The following TENT5A variants were observed in gnomAD, a reference collection of about 807,000 sequenced individuals.
TENT5A encodes terminal nucleotidyltransferase 5A.
TENT5A carries 9 observed loss-of-function variants against 30.2 expected under a neutral mutation model. That is an observed-to-expected ratio of 0.30 (90% CI 0.18 to 0.52). The LOEUF (loss-of-function observed/expected upper bound fraction) is 0.52, where lower values mean the gene tolerates loss of function less well. TENT5A is among the 20% of genes least tolerant of loss of function. The pLI, the probability that TENT5A is intolerant of heterozygous loss-of-function variation, is 0.97. For missense variants in TENT5A, 411 were observed against 566.1 expected (o/e 0.73, Z 2.78); for synonymous variants, 264 against 234.2 (o/e 1.13, Z -1.16).
In TENT5A at chr6:81,747,536, T is replaced by C. The variant is rs1768911345; in HGVS notation, c.*2159A>G. On this transcript the variant is annotated 3_prime_UTR_variant, in exon 3 of 3. Transcript: ENST00000320172. Reference sequence around the variant, plus strand: ...ATGCACAAAAGGTAGTCCAGACGGATTAACCTGGATTAACCTAGCACTAAG... The same window carrying C: ...ATGCACAAAAGGTAGTCCAGACGGACTAACCTGGATTAACCTAGCACTAAG... 1 of 985,582 alleles carries C rather than the reference T, an allele frequency of 1.0e-6. No individual in the cohort carries two copies. The highest frequency in any genetic ancestry group is 4.7e-5 in the South Asian group (1 of 21,284). 61.1% of individuals were successfully genotyped at this position (985,582 alleles called of 1,614,324 possible).
Position 81,750,562 on chromosome 6 carries a change from T to C in TENT5A, c.553-91A>G, listed in dbSNP as rs1447239679. ...TCCTCTTCACAGCTGAGAATTATTT[T>C]GCTCTTTCCCTTTTGTTTTGTCAAG... On this transcript the variant is annotated intron_variant, in intron 2 of 2. Transcript: ENST00000320172. This position sits in a 1 kb window ranked among gnomAD's most constrained non-coding sequence, Gnocchi z 4.2. 2 of 841,370 alleles carry C rather than the reference T, an allele frequency of 2.4e-6. No individual in the cohort carries two copies. Among genetic ancestry groups the C allele is most frequent in the East Asian group, 5.7e-5 (2 of 34,968 alleles). The allele number at this position is 841,370 out of a possible 1,614,324, so 52.1% of individuals were successfully genotyped here.
Position 81,749,651 on chromosome 6 carries a change from T to G in TENT5A, c.*44A>C. On this transcript the variant is annotated 3_prime_UTR_variant, in exon 3 of 3. Coordinates refer to ENST00000320172, the MANE Select transcript of TENT5A (RefSeq NM_017633.3). The stretch of plus-strand genomic sequence containing the variant: ...TTCTTTTTTTTTTTTTTCTCTCCTG[T>G]CTTGTCTGAAATGGCTTCCCCACAG... The G allele has an allele frequency of 1.3e-6, 2 of 1,546,590 alleles. No homozygotes were observed. Among genetic ancestry groups the G allele is most frequent in the Non-Finnish European group, 8.7e-7 (1 of 1,146,602 alleles).
In TENT5A at chr6:81,748,689, T is replaced by A; in HGVS notation, c.*1006A>T. The A allele has an allele frequency of 1.0e-6, 1 of 968,510 alleles. No individual in the cohort carries two copies. Among genetic ancestry groups the A allele is most frequent in the Non-Finnish European group, 1.2e-6 (1 of 814,344 alleles). 60.0% of individuals were successfully genotyped at this position (968,510 alleles called of 1,614,324 possible). On this transcript the variant is annotated 3_prime_UTR_variant, in exon 3 of 3. Coordinates refer to ENST00000320172, the MANE Select transcript of TENT5A (RefSeq NM_017633.3). ...TATAATTTATACACACATACACATG[T>A]ACCTATGATAATATCAGATCAACAA... is the stretch of plus-strand genomic sequence containing the variant.
At position 81,749,617 on chromosome 6, in the gene TENT5A, CTTTTTTTTTTCTTTT is replaced by C. The variant is rs1768985629; in HGVS notation, c.*63_*77del. On this transcript the variant is annotated 3_prime_UTR_variant, in exon 3 of 3. Transcript: ENST00000320172. Reference sequence around the variant, plus strand: ...CATCCCTAATAAGGGCTGGATCACTCTTTTTTTTTTCTTTTTTTTTTTTTTCTCTCCTGTCTTGTC... The same window carrying C: ...CATCCCTAATAAGGGCTGGATCACTCTTTTTTTTTTCTCTCCTGTCTTGTC... 3 of 1,370,998 alleles carry C rather than the reference CTTTTTTTTTTCTTTT, an allele frequency of 2.2e-6. No homozygotes were observed. Among genetic ancestry groups the C allele is most frequent in the Non-Finnish European group, 2.9e-6 (3 of 1,033,068 alleles). The allele number at this position is 1,370,998 out of a possible 1,614,324, so 84.9% of individuals were successfully genotyped here. A position where few individuals can be genotyped will look rare whatever the true frequency, so the allele number is the denominator to read the frequency against.
chr6:81,749,628 CTTTTTTTTT>C lies in TENT5A; in HGVS notation c.*58_*66del. 2 of 1,229,712 alleles carry C rather than the reference CTTTTTTTTT, an allele frequency of 1.6e-6. No individual in the cohort carries two copies. Among genetic ancestry groups the C allele is most frequent in the Non-Finnish European group, 2.2e-6 (2 of 929,028 alleles). 76.2% of individuals were successfully genotyped at this position (1,229,712 alleles called of 1,614,324 possible). On this transcript the variant is annotated 3_prime_UTR_variant, in exon 3 of 3. Coordinates refer to ENST00000320172, the MANE Select transcript of TENT5A (RefSeq NM_017633.3). ...AGGGCTGGATCACTCTTTTTTTTTT[CTTTTTTTTT>C]TTTTTCTCTCCTGTCTTGTCTGAAA...
chr6:81,746,710 AT>A lies in TENT5A; in HGVS notation c.*2984del. ...TTAAAGAAACAGCACACTAGGCCAG[AT>A]AAACACAAAAGGAAACAAATCACAG... is the stretch of plus-strand genomic sequence containing the variant. On this transcript the variant is annotated 3_prime_UTR_variant, in exon 3 of 3. Transcript: ENST00000320172. 2 of 1,227,326 alleles carry A rather than the reference AT, an allele frequency of 1.6e-6. No homozygotes were observed. Among genetic ancestry groups the A allele is most frequent in the Non-Finnish European group, 2.0e-6 (2 of 985,332 alleles). The allele number at this position is 1,227,326 out of a possible 1,614,324, so 76.0% of individuals were successfully genotyped here.
chr6:81,749,829 C>A lies in TENT5A; in HGVS notation c.1195G>T (p.Ala399Ser). The change falls in exon 3 of 3, where the codon GCT (alanine) becomes TCT (serine). Residue 399 changes from alanine (A) to serine (S), a missense_variant. Around this residue, in one of 5 missense-constraint regions of TENT5A, gnomAD observed 75 missense variants for 80.9 expected, o/e 0.93. Transcript: ENST00000320172. ...LADQNVIPNVANVTCYYQPAP... is the reference protein window; with the variant it reads ...LADQNVIPNVSNVTCYYQPAP... ...GGCTGGTAATAGCAAGTGACATTAG[C>A]CACATTAGGAATGACATTTTGGTCA... 6.2e-7 allele frequency: 1 copy of A among 1,614,076 alleles called. No individual in the cohort carries two copies. The highest frequency in any genetic ancestry group is 8.5e-7 in the Non-Finnish European group (1 of 1,180,022).
rs1481133651 is a variant in TENT5A, at chr6:81,749,642, T to C, written c.*53A>G. On this transcript the variant is annotated 3_prime_UTR_variant, in exon 3 of 3. Coordinates refer to ENST00000320172, the MANE Select transcript of TENT5A (RefSeq NM_017633.3). Reference sequence around the variant, plus strand: ...CTTTTTTTTTTCTTTTTTTTTTTTTTCTCTCCTGTCTTGTCTGAAATGGCT... The same window carrying C: ...CTTTTTTTTTTCTTTTTTTTTTTTTCCTCTCCTGTCTTGTCTGAAATGGCT... The C allele has an allele frequency of 6.8e-7, 1 of 1,472,080 alleles. No homozygotes were observed. Among genetic ancestry groups the C allele is most frequent in the Non-Finnish European group, 9.0e-7 (1 of 1,110,754 alleles). The allele number at this position is 1,472,080 out of a possible 1,614,324, so 91.2% of individuals were successfully genotyped here. A position where few individuals can be genotyped will look rare whatever the true frequency, so the allele number is the denominator to read the frequency against.
Position 81,749,478 on chromosome 6 carries a change from G to C in TENT5A, c.*217C>G. 7.6e-7 allele frequency: 1 copy of C among 1,311,888 alleles called. No individual in the cohort carries two copies. The highest frequency in any genetic ancestry group is 9.7e-7 in the Non-Finnish European group (1 of 1,033,642). 81.3% of individuals were successfully genotyped at this position (1,311,888 alleles called of 1,614,324 possible). On this transcript the variant is annotated 3_prime_UTR_variant, in exon 3 of 3. Transcript: ENST00000320172. Reference sequence around the variant, plus strand: ...TTGCAGGATAGAATCCAATTGGGTAGGAGAATAAGAGAAGGGAAAAGGATC... The same window carrying C: ...TTGCAGGATAGAATCCAATTGGGTACGAGAATAAGAGAAGGGAAAAGGATC...
In TENT5A at chr6:81,748,410, T is replaced by C; in HGVS notation, c.*1285A>G. ...AGAAAAAAAAAAAAAGAAAAAAAAA[T>C]CCCACTAAAACAGTATAATTTCTGC... On this transcript the variant is annotated 3_prime_UTR_variant, in exon 3 of 3. Transcript: ENST00000320172. 1 of 970,336 alleles carries C rather than the reference T, an allele frequency of 1.0e-6. No homozygotes were observed. The highest frequency in any genetic ancestry group is 1.2e-6 in the Non-Finnish European group (1 of 818,090). The allele number at this position is 970,336 out of a possible 1,614,324, so 60.1% of individuals were successfully genotyped here.
rs1371965844 is a variant in TENT5A, at chr6:81,746,100, T to C, written c.*3595A>G. 2 of 982,434 alleles carry C rather than the reference T, an allele frequency of 2.0e-6. No homozygotes were observed. The highest frequency in any genetic ancestry group is 1.1e-4 in the East Asian group (1 of 8,848). 60.9% of individuals were successfully genotyped at this position (982,434 alleles called of 1,614,324 possible). On this transcript the variant is annotated 3_prime_UTR_variant, in exon 3 of 3. Coordinates refer to ENST00000320172, the MANE Select transcript of TENT5A (RefSeq NM_017633.3). The stretch of plus-strand genomic sequence containing the variant: ...TTAGAAAGCCATTATTTTAACAAAA[T>C]ATAACATAGAGATTCTTTCTTAGCA...
Position 81,751,624 on chromosome 6 carries a change from A to G in TENT5A, c.518T>C (p.Val173Ala), listed in dbSNP as rs748052539. The change falls in exon 2 of 3, where the codon GTG becomes GCG. Residue 173 changes from valine to alanine, a missense_variant. Coordinates refer to ENST00000320172, the MANE Select transcript of TENT5A (RefSeq NM_017633.3). ...GAGTGGTGTGATCTTCTCTTTGTTC[A>G]CCCCCTCGGGTAAGAAGTCCAACAG... ...DCLLDFLPEG[V>A]NKEKITPLTL... is the part of the protein sequence containing the mutation. 1 of 1,612,948 alleles carries G rather than the reference A, an allele frequency of 6.2e-7. No homozygotes were observed.
At position 81,750,500 on chromosome 6, in the gene TENT5A, G is replaced by A. The variant is rs1769009995; in HGVS notation, c.553-29C>T. The A allele has an allele frequency of 7.7e-7, 1 of 1,292,076 alleles. No homozygotes were observed. The highest frequency in any genetic ancestry group is 1.1e-6 in the Non-Finnish European group (1 of 941,884). The allele number at this position is 1,292,076 out of a possible 1,614,324, so 80.0% of individuals were successfully genotyped here. Reference sequence around the variant, plus strand: ...CAATTTAAAAGATAAAACAAAATGAGCAAACCTAGAAAATAATAAATCAAT... The same window carrying A: ...CAATTTAAAAGATAAAACAAAATGAACAAACCTAGAAAATAATAAATCAAT... On this transcript the variant is annotated intron_variant, in intron 2 of 2. Coordinates refer to ENST00000320172, the MANE Select transcript of TENT5A (RefSeq NM_017633.3). The surrounding 1 kb of genome is among the most constrained non-coding windows in gnomAD (Gnocchi z 4.2).
In TENT5A at chr6:81,748,214, G is replaced by A. The variant is rs1487540850; in HGVS notation, c.*1481C>T. The stretch of plus-strand genomic sequence containing the variant: ...ACCGGAAATCCTTTTTAGCAGTCAG[G>A]GATTTAAGTAGCCTATTACTGATCC... On this transcript the variant is annotated 3_prime_UTR_variant, in exon 3 of 3. Coordinates refer to ENST00000320172, the MANE Select transcript of TENT5A (RefSeq NM_017633.3). 1.0e-6 allele frequency: 1 copy of A among 985,064 alleles called. No individual in the cohort carries two copies. The highest frequency in any genetic ancestry group is 1.2e-6 in the Non-Finnish European group (1 of 829,760). The allele number at this position is 985,064 out of a possible 1,614,324, so 61.0% of individuals were successfully genotyped here. A position where few individuals can be genotyped will look rare whatever the true frequency, so the allele number is the denominator to read the frequency against.
chr6:81,746,849 A>C lies in TENT5A; in HGVS notation c.*2846T>G. 1.8e-6 allele frequency: 2 copies of C among 1,133,640 alleles called. No homozygotes were observed. Among genetic ancestry groups the C allele is most frequent in the Non-Finnish European group, 2.2e-6 (2 of 926,258 alleles). 70.2% of individuals were successfully genotyped at this position (1,133,640 alleles called of 1,614,324 possible). A position where few individuals can be genotyped will look rare whatever the true frequency, so the allele number is the denominator to read the frequency against. The stretch of plus-strand genomic sequence containing the variant: ...ATCCACAAAGAGAGACATATATTTC[A>C]CTGTGTGTTCAACTACATATGCACA... On this transcript the variant is annotated 3_prime_UTR_variant, in exon 3 of 3. Transcript: ENST00000320172.
In TENT5A at chr6:81,752,186, G is replaced by C. The variant is rs1017486000; in HGVS notation, c.-37-8C>G. ...ACTTGGCCCTGGTCAGTCCTAAAAAGAAAGGGAAAGGAGCGCGGTGAGGAC... is the reference window on the plus strand; with the variant it reads ...ACTTGGCCCTGGTCAGTCCTAAAAACAAAGGGAAAGGAGCGCGGTGAGGAC... On this transcript the variant is annotated splice_polypyrimidine_tract_variant and splice_region_variant and intron_variant, in intron 1 of 2. Coordinates refer to ENST00000320172, the MANE Select transcript of TENT5A (RefSeq NM_017633.3). 1 of 1,491,404 alleles carries C rather than the reference G, an allele frequency of 6.7e-7. No individual in the cohort carries two copies. Among genetic ancestry groups the C allele is most frequent in the Non-Finnish European group, 8.9e-7 (1 of 1,122,130 alleles). The allele number at this position is 1,491,404 out of a possible 1,614,324, so 92.4% of individuals were successfully genotyped here. A position where few individuals can be genotyped will look rare whatever the true frequency, so the allele number is the denominator to read the frequency against.
At position 81,747,626 on chromosome 6, in the gene TENT5A, T is replaced by TC. The variant is rs1212530090; in HGVS notation, c.*2068dup. On this transcript the variant is annotated 3_prime_UTR_variant, in exon 3 of 3. Coordinates refer to ENST00000320172, the MANE Select transcript of TENT5A (RefSeq NM_017633.3). ...CTGCCAACAGGAGGATATTTTTTTC[T>TC]CCCGTGGTCTCTCTTTAACTGATGA... The TC allele has an allele frequency of 4.3e-5, 42 of 985,608 alleles. No homozygotes were observed. Among genetic ancestry groups the TC allele is most frequent in the Admixed American group, 6.1e-5 (1 of 16,264 alleles). 61.1% of individuals were successfully genotyped at this position (985,608 alleles called of 1,614,324 possible). A position where few individuals can be genotyped will look rare whatever the true frequency, so the allele number is the denominator to read the frequency against.
rs1768974894 is a variant in TENT5A, at chr6:81,749,258, T to G, written c.*437A>C. On this transcript the variant is annotated 3_prime_UTR_variant, in exon 3 of 3. Transcript: ENST00000320172. ...ATTAATATCTGAACTCCTAAACTGA[T>G]TCACAAGTTGGAGTGAGACCTTTTT... 1.1e-5 allele frequency: 11 copies of G among 990,550 alleles called. No homozygotes were observed. The highest frequency in any genetic ancestry group is 1.3e-5 in the Non-Finnish European group (11 of 833,384). The allele number at this position is 990,550 out of a possible 1,614,324, so 61.4% of individuals were successfully genotyped here. A position where few individuals can be genotyped will look rare whatever the true frequency, so the allele number is the denominator to read the frequency against.
In TENT5A at chr6:81,748,962, A is replaced by C; in HGVS notation, c.*733T>G. ...TCTAATTGGGTATTTTTATCTGTTAAATCTTTGGTCCTTGAGCACACTTTC... is the reference window on the plus strand; with the variant it reads ...TCTAATTGGGTATTTTTATCTGTTACATCTTTGGTCCTTGAGCACACTTTC... On this transcript the variant is annotated 3_prime_UTR_variant, in exon 3 of 3. Transcript: ENST00000320172. The C allele has an allele frequency of 1.0e-6, 1 of 985,762 alleles. No individual in the cohort carries two copies. The highest frequency in any genetic ancestry group is 1.2e-6 in the Non-Finnish European group (1 of 829,896). The allele number at this position is 985,762 out of a possible 1,614,324, so 61.1% of individuals were successfully genotyped here. A position where few individuals can be genotyped will look rare whatever the true frequency, so the allele number is the denominator to read the frequency against.
Sources: gnomAD v4.1 joint callset for allele counts on GRCh38, gnomAD v4.1.1 for gene constraint, gnomAD v4.1.1 regional missense constraint, Gnocchi (gnomAD v3.1) non-coding constraint, MANE v1.5 for transcripts, NCBI Gene and HGNC (gene_info 2026-07-23, HGNC 2026-07-21) for gene names.